FYCO1: variants seen among roughly 807,000 people sequenced by gnomAD.
FYCO1 encodes the protein FYVE and coiled-coil domain autophagy adaptor 1.
In FYCO1, 122 loss-of-function variants were observed where a neutral mutation model predicts 165.1. The observed-to-expected ratio is 0.74, with a 90% CI of 0.64 to 0.86. FYCO1 has a LOEUF of 0.86. Ranked by LOEUF, FYCO1 falls within the 40% of genes least tolerant of loss-of-function variation. The pLI is 0.00. For synonymous variants in FYCO1, 648 were observed against 742.5 expected (o/e 0.87, Z 2.07); for missense variants, 1,702 against 1,810.3 (o/e 0.94, Z 1.09).
In FYCO1 at chr3:45,968,233, G is replaced by A. The variant is rs1314252176; in HGVS notation, c.1101C>T (p.Ser367=). 3 of 1,613,930 alleles carry A rather than the reference G, an allele frequency of 1.9e-6. No homozygotes were observed. In the African/African-American group the frequency reaches 4.0e-5, roughly 22 times the overall value. The part of the protein sequence containing the change: ...SLDKKNQHLA[S]FPGWLAMAQQ... ...GAGCCATGGCTAGCCAGCCTGGGAA[G>A]CTGGCTAAATGCTGGTTTTTCTTGT... The change falls in exon 8 of 18, where the codon AGC becomes AGT. Residue 367 remains serine (S), a synonymous_variant. Coordinates refer to ENST00000296137, the MANE Select transcript of FYCO1 (RefSeq NM_024513.4).
intron 4 of FYCO1, among the ~76,000 whole-genome samples, chr3:45,978,230 T>G (rs9844821): frequency 0.18 from 27,289 of 152,188 alleles, 6,608 homozygotes; most frequent in African/African-American, 0.55. Context: ...GTCATAAAGT[T>G]AAAGGCTTTA....
At chr3:45,926,482 T>C (rs1703323725) in intron 16 of FYCO1, among the ~76,000 whole-genome samples, 1 of 152,254 alleles carries the variant, frequency 6.6e-6, no homozygotes, top group Non-Finnish European at 1.5e-5. Flanking sequence ...ATGCCCCTAA[T>C]GACAGAGCTT....
chr3:45,927,839 C>T (rs910419738), intron 16 of FYCO1, among the ~76,000 whole-genome samples: 4 of 152,230 alleles, frequency 2.6e-5, no homozygotes, highest in African/African-American at 7.2e-5. Flanking sequence ...CCTTGGTGTG[C>T]CCACCCTGCA....
rs1307095301 is a variant in FYCO1 at position 45,968,228 on chromosome 3, G to A, written c.1106C>T (p.Pro369Leu). Residue 369 changes from proline (P) to leucine (L), a missense_variant, in exon 8 of 18, where the codon CCA (proline) becomes CTA (leucine). By Grantham distance (98) the Pro-to-Leu change is moderately conservative. Transcript: ENST00000296137. ...CTGCTGAGCCATGGCTAGCCAGCCTGGGAAGCTGGCTAAATGCTGGTTTTT... is the reference window on the plus strand; with the variant it reads ...CTGCTGAGCCATGGCTAGCCAGCCTAGGAAGCTGGCTAAATGCTGGTTTTT... ...DKKNQHLASF[P>L]GWLAMAQQKA... The A allele has an allele frequency of 6.2e-7, 1 of 1,614,008 alleles. No individual in the cohort carries two copies. Among genetic ancestry groups the A allele is most frequent in the South Asian group, 1.1e-5 (1 of 91,080 alleles).
chr3:45,933,533 T>C (rs1703736509), intron 15 of FYCO1, among the ~76,000 whole-genome samples: 1 of 152,164 alleles, frequency 6.6e-6, no homozygotes, highest in African/African-American at 2.4e-5. Flanking sequence ...GGGTAGGTTT[T>C]TTACCAGTTT....
chr3:45,952,680 TG>T (rs1705098914), intron 14 of FYCO1, among the ~76,000 whole-genome samples: 1 of 152,146 alleles, frequency 6.6e-6, no homozygotes, highest in Non-Finnish European at 1.5e-5. Flanking sequence ...CTTCTGTTTT[TG>T]TTCCTACTGG....
intron 16 of FYCO1, among the ~76,000 whole-genome samples, chr3:45,928,215 A>T (rs1333374304): frequency 6.6e-6 from 1 of 152,244 alleles, no homozygotes; most frequent in Non-Finnish European, 1.5e-5. Flanking sequence ...TAAACTGTAC[A>T]TTCCAAGTGC....
chr3:45,954,712 G>A (rs777691227), intron 14 of FYCO1, among the ~76,000 whole-genome samples: 9 of 152,164 alleles, frequency 5.9e-5, no homozygotes, highest in Non-Finnish European at 1.0e-4. Flanking sequence ...AGATGATGCC[G>A]CTAGGGTGGG....
At chr3:45,941,052 C>G (rs1003500236) in intron 14 of FYCO1, 14 of 152,218 alleles carry the variant, frequency 9.2e-5, no homozygotes, top group African/African-American at 3.4e-4. Flanking sequence ...CTCAGCTCAT[C>G]CTGGTGACTT....
intron 1 of FYCO1, among the ~76,000 whole-genome samples, chr3:45,994,324 A>G (rs1707695383): frequency 6.6e-6 from 1 of 152,246 alleles, no homozygotes; most frequent in Non-Finnish European, 1.5e-5. Flanking sequence ...ATAAAATATT[A>G]AAAACAATTT....
intron 3 of FYCO1, among the ~76,000 whole-genome samples, chr3:45,981,078 T>G (rs1707027359): frequency 6.6e-6 from 1 of 152,228 alleles, no homozygotes. Flanking sequence ...TCCCAGAGGA[T>G]GCTGATGCTG....
chr3:45,936,303 G>A (rs1055335897), intron 15 of FYCO1, 145 bp downstream of exon 15: 5 of 662,536 alleles, frequency 7.5e-6, no homozygotes, highest in African/African-American at 1.8e-5. Context: ...ATGTATATAA[G>A]CTATGCCTGA....
intron 2 of FYCO1, 99 bp downstream of exon 2, chr3:45,984,757 G>A: frequency 8.0e-7 from 1 of 1,255,928 alleles, no homozygotes; most frequent in South Asian, 1.2e-5. Flanking sequence ...CTCGTTGTGT[G>A]AACAAAAATG....
intron 1 of FYCO1, among the ~76,000 whole-genome samples, chr3:45,991,964 G>T (rs1707580922): frequency 6.6e-6 from 1 of 152,200 alleles, no homozygotes; most frequent in African/African-American, 2.4e-5. Context: ...AGATACCAGG[G>T]ATGCGGAGCA....
At chr3:45,927,973 T>C (rs1381167408) in intron 16 of FYCO1, among the ~76,000 whole-genome samples, 1 of 152,278 alleles carries the variant, frequency 6.6e-6, no homozygotes, top group East Asian at 1.9e-4. Flanking sequence ...TTCATTTCTT[T>C]AAAACATCTT....
At chr3:45,987,522 G>A (rs1459813851) in intron 1 of FYCO1, among the ~76,000 whole-genome samples, 1 of 152,182 alleles carries the variant, frequency 6.6e-6, no homozygotes, top group Non-Finnish European at 1.5e-5. Context: ...ACTGGAGAGA[G>A]CCAAAAAGAA....
intron 14 of FYCO1, chr3:45,938,339 G>T: frequency 2.6e-6 from 2 of 764,130 alleles, no homozygotes; most frequent in Non-Finnish European, 3.9e-6. Context: ...CTTTTCAATA[G>T]GTTTTCAAAC....
intron 4 of FYCO1, among the ~76,000 whole-genome samples, chr3:45,976,066 G>A (rs1410452818): frequency 1.3e-5 from 2 of 152,176 alleles, no homozygotes; most frequent in African/African-American, 4.8e-5. Flanking sequence ...CCAGGGGTGA[G>A]ACCAGGGGTG....
At chr3:45,929,686 C>T (rs912951197) in intron 16 of FYCO1, among the ~76,000 whole-genome samples, 2 of 152,126 alleles carry the variant, frequency 1.3e-5, no homozygotes, top group African/African-American at 4.8e-5. Flanking sequence ...TGGCTACAAG[C>T]CCCAAAAGAA....
Sources: gnomAD v4.1 joint callset for allele counts (sites outside exome capture counted in the v4.1 genomes callset) on GRCh38, gnomAD v4.1.1 for gene constraint, MANE v1.5 for transcripts, NCBI Gene and HGNC (gene_info 2026-07-23, HGNC 2026-07-21) for gene names.